The following ITGB1 variants were observed in gnomAD, a reference collection of about 807,000 sequenced individuals.
ITGB1 encodes the protein integrin beta-1.
A neutral mutation model predicts 86.5 loss-of-function variants in ITGB1; 24 were observed. That is an observed-to-expected ratio of 0.28 (90% CI 0.20 to 0.39). The LOEUF is 0.39. ITGB1 is among the 10% of genes least tolerant of loss of function. The pLI, the probability that ITGB1 is intolerant of heterozygous loss-of-function variation, is 1.00. For synonymous variants in ITGB1, 323 were observed against 316.8 expected, an observed-to-expected ratio of 1.02 and a Z score of -0.21; for missense variants, 556 against 946.9, an observed-to-expected ratio of 0.59 and a Z score of 5.42.
intron 1 of ITGB1, among the ~76,000 whole-genome samples, chr10:32,943,297 A>G (rs1322376314): frequency 2.0e-5 from 3 of 152,222 alleles, no homozygotes; most frequent in African/African-American, 7.2e-5. Context: ...CTGAAGTTAT[A>G]TTACTGGGTT....
intron 1 of ITGB1, among the ~76,000 whole-genome samples, chr10:32,943,941 G>A (rs900763170): frequency 3.3e-5 from 5 of 152,194 alleles, no homozygotes; most frequent in Admixed American, 1.3e-4. Flanking sequence ...CGGGGAAATG[G>A]ATCAACTCCA....
intron 1 of ITGB1, among the ~76,000 whole-genome samples, chr10:32,941,134 G>GA (rs1029465827): frequency 6.6e-6 from 1 of 152,148 alleles, no homozygotes; most frequent in Non-Finnish European, 1.5e-5. Flanking sequence ...TGGGTGTGGA[G>GA]AAAAGTGGAG....
At chr10:32,952,579 T>C (rs775829835) in intron 1 of ITGB1, among the ~76,000 whole-genome samples, 10 of 152,204 alleles carry the variant, frequency 6.6e-5, no homozygotes, top group African/African-American at 9.6e-5. Flanking sequence ...ATTTCATAGA[T>C]TACGAAAGCT....
At chr10:32,933,286 G>A (rs2094990156) in intron 2 of ITGB1, 1 of 152,056 alleles carries the variant, frequency 6.6e-6, no homozygotes, top group Non-Finnish European at 1.5e-5. Context: ...TGTCATAAAT[G>A]TCATGAGTTC....
rs184601927 is a variant in ITGB1, at chr10:32,949,437, T to C, written c.-1+8708A>G. Among the ~76,000 whole-genome samples the C allele has an allele frequency of 2.6e-4, 39 of 152,342 alleles. 1 individual carries two copies. The highest frequency in any genetic ancestry group is 9.4e-4 in the African/African-American group (39 of 41,576). The stretch of plus-strand genomic sequence containing the variant: ...CTCAGGGCACAGAAATGGAAAGGGC[T>C]TATAATGTTCTATGAGTTTATTTCT... On this transcript the variant is annotated intron_variant, in intron 1 of 15. Coordinates refer to ENST00000302278, the MANE Select transcript of ITGB1 (RefSeq NM_002211.4).
intron 1 of ITGB1, among the ~76,000 whole-genome samples, 185 bp from the exon 2 acceptor site, chr10:32,935,743 T>C (rs1383391974): frequency 2.0e-5 from 3 of 152,064 alleles, no homozygotes; most frequent in African/African-American, 7.2e-5. Flanking sequence ...TTCCCTCACC[T>C]TGCACCTACA....
rs753148358 is a variant in ITGB1 at position 32,907,061 on chromosome 10, A to G, written c.2331+1307T>C. 3 of 1,345,866 alleles carry G rather than the reference A, an allele frequency of 2.2e-6. No homozygotes were observed. The Admixed American group carries it at 5.8e-5, about 26-fold the overall frequency. The allele number at this position is 1,345,866 out of a possible 1,614,324, so 83.4% of individuals were successfully genotyped here. On this transcript the variant is annotated intron_variant, in intron 15 of 15. Transcript: ENST00000302278. ...AGGCAGAAAGTGAAACAAAATACGA[A>G]CGGCAATTTAGAGACCAGCTTTACG...
chr10:32,944,472 A>C (rs528973892), intron 1 of ITGB1: 86 of 366,406 alleles, frequency 2.3e-4, no homozygotes, highest in South Asian at 1.6e-3. Flanking sequence ...GCGCGTCACC[A>C]AACACTGTGA....
At chr10:32,932,641 G>T in intron 2 of ITGB1, 41 bp from the exon 3 acceptor site, 1 of 1,111,674 alleles carries the variant, frequency 9.0e-7, no homozygotes, top group Non-Finnish European at 1.4e-6. Flanking sequence ...TATGTGAAGT[G>T]TCAGAGAGAA....
At chr10:32,906,279 T>C (rs1171039011) in intron 15 of ITGB1, among the ~76,000 whole-genome samples, 1 of 152,160 alleles carries the variant, frequency 6.6e-6, no homozygotes, top group Admixed American at 6.6e-5. Flanking sequence ...AATTTACTCA[T>C]AACAAATTTG....
intron 8 of ITGB1, 87 bp from the exon 9 acceptor site, chr10:32,922,433 C>A (rs2094953105): frequency 1.1e-6 from 1 of 928,810 alleles, no homozygotes; most frequent in Admixed American, 2.1e-5. Context: ...TCTTTAAATG[C>A]CAGTTCCCAT....
At chr10:32,911,699 T>A in intron 12 of ITGB1, 29 bp from the exon 13 acceptor site, 1 of 1,606,414 alleles carries the variant, frequency 6.2e-7, no homozygotes, top group Non-Finnish European at 8.5e-7. Context: ...TTTCTCAAAA[T>A]GGTAAAAATA....
At chr10:32,913,742 T>A (rs1306802995) in intron 11 of ITGB1, among the ~76,000 whole-genome samples, 1 of 152,210 alleles carries the variant, frequency 6.6e-6, no homozygotes, top group Non-Finnish European at 1.5e-5. Flanking sequence ...AAAACATTTT[T>A]CAGGATATTA....
At chr10:32,915,681 C>A (rs2094929287) in intron 11 of ITGB1, among the ~76,000 whole-genome samples, 1 of 152,054 alleles carries the variant, frequency 6.6e-6, no homozygotes, top group African/African-American at 2.4e-5. Flanking sequence ...AATAGCCTAC[C>A]AACCAAAAAA....
intron 11 of ITGB1, among the ~76,000 whole-genome samples, chr10:32,918,066 C>T (rs2094937500): frequency 6.6e-6 from 1 of 152,062 alleles, no homozygotes; most frequent in South Asian, 2.1e-4. Context: ...AAGCTGGAAA[C>T]CATCATTCTG....
At chr10:32,919,764 G>T in intron 11 of ITGB1, 121 bp downstream of exon 11, 1 of 770,446 alleles carries the variant, frequency 1.3e-6, no homozygotes, top group Non-Finnish European at 2.2e-6. Flanking sequence ...GTGAGCAACC[G>T]TGGTTGGAAA....
intron 4 of ITGB1, among the ~76,000 whole-genome samples, chr10:32,929,311 C>A (rs1273578908): frequency 1.3e-5 from 2 of 151,898 alleles, no homozygotes; most frequent in East Asian, 1.9e-4. Flanking sequence ...GAGGAGGGGC[C>A]GGGAGGGAAG....
intron 1 of ITGB1, among the ~76,000 whole-genome samples, chr10:32,953,418 G>A (rs1163794009): frequency 6.6e-6 from 1 of 152,126 alleles, no homozygotes. Flanking sequence ...TGTACTGATA[G>A]AATAAAATGT....
rs937493652 is a variant in ITGB1, at chr10:32,928,366, T to C, written c.377-102A>G. On this transcript the variant is annotated intron_variant, in intron 4 of 15. Transcript: ENST00000302278. Reference sequence around the variant, plus strand: ...GGTTTACACGGTAAACACAATAAAATAAAACATGTTGTCATAATTTTTACA... The same window carrying C: ...GGTTTACACGGTAAACACAATAAAACAAAACATGTTGTCATAATTTTTACA... The C allele has an allele frequency of 8.6e-5, 51 of 593,532 alleles. No individual in the cohort carries two copies. In the African/African-American group the frequency reaches 9.2e-4, roughly 11 times the overall value. The allele number at this position is 593,532 out of a possible 1,614,324, so 36.8% of individuals were successfully genotyped here. A position where few individuals can be genotyped will look rare whatever the true frequency, so the allele number is the denominator to read the frequency against.
Sources: allele counts gnomAD v4.1 joint callset (sites outside exome capture counted in the v4.1 genomes callset), GRCh38; gene constraint gnomAD v4.1.1; transcripts MANE v1.5; gene names NCBI Gene and HGNC (gene_info 2026-07-23, HGNC 2026-07-21).